HDGFL3: variants seen among roughly 807,000 people sequenced by gnomAD.
The protein encoded by HDGFL3 is HDGF like 3, also known as hepatoma-derived growth factor-related protein 3.
Under a neutral mutation model 27.6 loss-of-function variants are expected in HDGFL3, and 6 were observed. The ratio of observed to expected loss-of-function variants is 0.22; its 90% CI spans 0.12 to 0.43. HDGFL3 has a LOEUF of 0.43. HDGFL3 is among the 20% of genes least tolerant of loss of function. HDGFL3 has a pLI of 1.00. For synonymous variants in HDGFL3, 88 were observed against 88.9 expected (o/e 0.99, Z 0.05); for missense variants, 207 against 250.1 (o/e 0.83, Z 1.16).
chr15:83,123,025 C>A, downstream of HDGFL3: 1 of 870,586 alleles, frequency 1.1e-6, no homozygotes, highest in Non-Finnish European at 1.7e-6. Flanking sequence ...GTAGCATTAG[C>A]TTACGTATTA....
chr15:83,169,815 A>G lies in HDGFL3; in HGVS notation c.85-5740T>C, dbSNP rs563443699. 9.2e-5 allele frequency among the ~76,000 whole-genome samples: 14 copies of G among 152,278 alleles called. No homozygotes were observed. In the South Asian group the frequency reaches 2.9e-3, roughly 32 times the overall value. On this transcript the variant is annotated intron_variant, in intron 1 of 5. Transcript: ENST00000299633. Reference sequence around the variant, plus strand: ...AGTCCATCTCAAAACAAACAAACAAAAATCCCTAAAGACTTTGTCAAAAGG... The same window carrying G: ...AGTCCATCTCAAAACAAACAAACAAGAATCCCTAAAGACTTTGTCAAAAGG...
intron 1 of HDGFL3, among the ~76,000 whole-genome samples, chr15:83,168,848 C>A (rs924610875): frequency 1.3e-5 from 2 of 152,266 alleles, no homozygotes; most frequent in Non-Finnish European, 2.9e-5. Context: ...GCCAATATCC[C>A]TGATGAAAGC....
At position 83,205,370 on chromosome 15, in the gene HDGFL3, AAT is replaced by A. The variant is rs537335944; in HGVS notation, c.84+1959_84+1960del. Among the ~76,000 whole-genome samples the A allele has an allele frequency of 1.2e-3, 182 of 152,336 alleles. 1 individual carries two copies. The highest frequency in any genetic ancestry group is 9.6e-4 in the African/African-American group (40 of 41,588). Reference sequence around the variant, plus strand: ...TTTCTTGAGGAGCTCGTTAAATGTGAATAGATACAGATTTTTCTTTCTTGTAC... The same window carrying A: ...TTTCTTGAGGAGCTCGTTAAATGTGAAGATACAGATTTTTCTTTCTTGTAC... On this transcript the variant is annotated intron_variant, in intron 1 of 5. Transcript: ENST00000299633.
At chr15:83,171,640 C>T (rs769534791) in intron 1 of HDGFL3, among the ~76,000 whole-genome samples, 12 of 152,052 alleles carry the variant, frequency 7.9e-5, no homozygotes, top group Non-Finnish European at 1.5e-4. Context: ...AATGCAGGAA[C>T]GAAAAACAAA....
chr15:83,194,813 A>G (rs1299014863), intron 1 of HDGFL3, among the ~76,000 whole-genome samples: 2 of 152,186 alleles, frequency 1.3e-5, no homozygotes, highest in Non-Finnish European at 2.9e-5. Flanking sequence ...CAGTTGGTAA[A>G]AGAGATTAAT....
At chr15:83,163,257 G>GTAGTTA (rs2037122987) in intron 2 of HDGFL3, among the ~76,000 whole-genome samples, 1 of 152,174 alleles carries the variant, frequency 6.6e-6, no homozygotes, top group African/African-American at 2.4e-5. Flanking sequence ...TCTACTGTAT[G>GTAGTTA]TAACTTCCTG....
rs2034618 is a variant in HDGFL3, at chr15:83,130,880, C to T, written c.*8390G>A. The T allele has an allele frequency of 0.25, 37,724 of 152,112 alleles. 5,012 individuals carry two copies. The highest frequency in any genetic ancestry group is 0.34 in the African/African-American group (13,906 of 41,432). The allele number at this position is 152,112 out of a possible 1,614,324, so 9.4% of individuals were successfully genotyped here. A position where few individuals can be genotyped will look rare whatever the true frequency, so the allele number is the denominator to read the frequency against. On this transcript the variant is annotated 3_prime_UTR_variant, in exon 6 of 6. Coordinates refer to ENST00000299633, the MANE Select transcript of HDGFL3 (RefSeq NM_016073.4). ...CCGAGGTGGGTGGACTGCTTGAAGT[C>T]AGGAGTTTGAAACCAGCCTGGGCAA...
intron 1 of HDGFL3, among the ~76,000 whole-genome samples, chr15:83,188,061 AT>A (rs2037467939): frequency 6.6e-6 from 1 of 152,154 alleles, no homozygotes; most frequent in South Asian, 2.1e-4. Flanking sequence ...AATAATTTAC[AT>A]TTCAACCAAA....
chr15:83,197,931 A>G (rs2037591583), intron 1 of HDGFL3, among the ~76,000 whole-genome samples: 1 of 137,752 alleles, frequency 7.3e-6, no homozygotes, highest in Non-Finnish European at 1.6e-5. Context: ...GCTAATTGGG[A>G]GGCTGAGGCA....
In HDGFL3 at chr15:83,131,946, A is replaced by C. The variant is rs1359678026; in HGVS notation, c.*7324T>G. On this transcript the variant is annotated 3_prime_UTR_variant, in exon 6 of 6. Coordinates refer to ENST00000299633, the MANE Select transcript of HDGFL3 (RefSeq NM_016073.4). The stretch of plus-strand genomic sequence containing the variant: ...GAAGCATTTTCTCTGCTAAAATATC[A>C]ATGAAAATGAAAAAAAGCCAAAGCC... 1 of 152,212 alleles carries C rather than the reference A, an allele frequency of 6.6e-6. No individual in the cohort carries two copies. Among genetic ancestry groups the C allele is most frequent in the Non-Finnish European group, 1.5e-5 (1 of 68,024 alleles). The allele number at this position is 152,212 out of a possible 1,614,324, so 9.4% of individuals were successfully genotyped here.
chr15:83,165,691 A>T (rs1442437619), intron 1 of HDGFL3, among the ~76,000 whole-genome samples: 3 of 147,416 alleles, frequency 2.0e-5, no homozygotes, highest in Non-Finnish European at 4.5e-5. Flanking sequence ...GCTACTCAGG[A>T]GGCTGAGGCA....
At chr15:83,144,577 AGGAGGCCTCTG>A (rs2151394965) in intron 5 of HDGFL3, 1 of 455,484 alleles carries the variant, frequency 2.2e-6, no homozygotes, top group South Asian at 1.6e-5. Context: ...AAGGCATCAG[AGGAGGCCTCTG>A]GGAAACAACT....
At chr15:83,115,475 TG>T in exon 4 of HDGFL3, 1 of 381,488 alleles carries the variant, frequency 2.6e-6, no homozygotes, top group East Asian at 6.6e-5. Context: ...ACTCAGTTAC[TG>T]GCTTTGCTCC....
chr15:83,187,819 T>A (rs11856000), intron 1 of HDGFL3, among the ~76,000 whole-genome samples: 1 of 149,130 alleles, frequency 6.7e-6, no homozygotes, highest in African/African-American at 2.5e-5. Context: ...CCTGGGAGGC[T>A]GAGGTTGCAG....
intron 1 of HDGFL3, among the ~76,000 whole-genome samples, chr15:83,197,012 C>T (rs1432405634): frequency 6.6e-6 from 1 of 152,184 alleles, no homozygotes; most frequent in South Asian, 2.1e-4. Flanking sequence ...TTGTCATTTG[C>T]TTTTACAATA....
chr15:83,151,180 A>G (rs775789083), intron 5 of HDGFL3, 35 bp downstream of exon 5: 3 of 1,590,200 alleles, frequency 1.9e-6, no homozygotes, highest in South Asian at 2.3e-5. Context: ...ATGTCTTCTA[A>G]TAGAAGGTAA....
At chr15:83,140,763 G>A (rs1019198678) in intron 5 of HDGFL3, among the ~76,000 whole-genome samples, 1 of 152,100 alleles carries the variant, frequency 6.6e-6, no homozygotes, top group Non-Finnish European at 1.5e-5. Context: ...GATTACAGGC[G>A]TGAGCCACCG....
rs1596538215 is a variant in HDGFL3, at chr15:83,136,469, TAAATGCAACAGGCTCAG to T, written c.*2784_*2800del. ...TCATGCTTACTCAATTTTTTTTTTT[TAAATGCAACAGGCTCAG>T]TTTTCTCACATTGGTGCATCTCTTC... On this transcript the variant is annotated 3_prime_UTR_variant, in exon 6 of 6. Transcript: ENST00000299633. The T allele has an allele frequency of 1.3e-6, 2 of 1,562,220 alleles. No homozygotes were observed. Among genetic ancestry groups the T allele is most frequent in the Non-Finnish European group, 8.6e-7 (1 of 1,160,100 alleles).
At chr15:83,127,214 TA>T, downstream of HDGFL3, 1 of 777,034 alleles carries the variant, frequency 1.3e-6, no homozygotes, top group Non-Finnish European at 1.8e-6. Flanking sequence ...TAAATAAAAA[TA>T]AAAGTAAAAA....
Sources: allele counts gnomAD v4.1 joint callset (sites outside exome capture counted in the v4.1 genomes callset), GRCh38; gene constraint gnomAD v4.1.1; transcripts MANE v1.5; gene names NCBI Gene and HGNC (gene_info 2026-07-23, HGNC 2026-07-21).